SRCAP: variants seen among roughly 807,000 people sequenced by gnomAD.
SRCAP encodes Snf2 related CREBBP activator protein, also known as chromatin remodeling protein SRCAP.
SRCAP carries 46 observed loss-of-function variants against 263.1 expected under a neutral mutation model. That is an observed-to-expected ratio of 0.17 (90% CI 0.14 to 0.22). The LOEUF is 0.22. SRCAP is among the 10% of genes least tolerant of loss of function. SRCAP has a pLI of 1.00. For missense variants in SRCAP, 3,695 were observed against 4,181.9 expected, an observed-to-expected ratio of 0.88 and a Z score of 3.21; for synonymous variants, 1,813 against 1,662.1, an observed-to-expected ratio of 1.09 and a Z score of -2.21.
intron 33 of SRCAP, 22 bp from the exon 34 acceptor site, chr16:30,737,027 C>T: frequency 1.3e-6 from 2 of 1,564,646 alleles, no homozygotes; most frequent in Non-Finnish European, 1.7e-6. Flanking sequence ...CTCCTGACCA[C>T]TTTTGGACCC....
intron 18 of SRCAP, among the ~76,000 whole-genome samples, 189 bp from the exon 19 acceptor site, chr16:30,719,973 G>T (rs373066694): frequency 6.6e-6 from 1 of 152,164 alleles, no homozygotes; most frequent in African/African-American, 2.4e-5. Context: ...CGTTTCTGGC[G>T]TATATTGTTC....
rs750011927 is a variant in SRCAP at position 30,738,086 on chromosome 16, C to T, written c.8046C>T (p.Thr2682=). The T allele has an allele frequency of 5.6e-6, 9 of 1,614,092 alleles. No homozygotes were observed. The South Asian group carries it at 6.6e-5, about 12-fold the overall frequency. ...CGGAAGAGCTGACAGAGGCCAAGAC[C>T]CCAACCTCCAGCCCAGAGAAGCCAC... ...RTSEELTEAK[T]PTSSPEKPQE... is the part of the protein sequence containing the mutation. The change falls in exon 34 of 34, where the codon ACC becomes ACT. Residue 2682 remains threonine (T), a synonymous_variant. Transcript: ENST00000262518.
Position 30,721,484 on chromosome 16 carries a change from C to G in SRCAP, c.3541+8C>G. On this transcript the variant is annotated splice_region_variant and intron_variant, in intron 21 of 33. Coordinates refer to ENST00000262518, the MANE Select transcript of SRCAP (RefSeq NM_006662.3). ...TGCAGGCTCGCCTGCCCTGTAAGTT[C>G]CCAGGGCTCTGTGGTGAGGGACTTG... 6.2e-7 allele frequency: 1 copy of G among 1,606,486 alleles called. No individual in the cohort carries two copies. The highest frequency in any genetic ancestry group is 8.5e-7 in the Non-Finnish European group (1 of 1,179,274).
In SRCAP at chr16:30,720,256, G is replaced by A. The variant is rs200896833; in HGVS notation, c.2912G>A (p.Arg971His). 22 of 1,614,152 alleles carry A rather than the reference G, an allele frequency of 1.4e-5. No homozygotes were observed. In the East Asian group the frequency reaches 2.5e-4, roughly 18 times the overall value. ...DTFLPRHRLS[R>H]RVLLEVATAP... The stretch of plus-strand genomic sequence containing the variant: ...TTTCTGCCCCGGCACCGCCTCTCTC[G>A]CCGGGTACTGTTAGAAGTGGCTACT... The change falls in exon 19 of 34, where the codon CGC becomes CAC. Residue 971 changes from arginine (R) to histidine (H), a missense_variant. Physicochemically the swap from Arg to His is conservative, Grantham distance 29. Around this residue, in one of 12 missense-constraint regions of SRCAP, gnomAD observed 147 missense variants for 212.7 expected, o/e 0.69. Coordinates refer to ENST00000262518, the MANE Select transcript of SRCAP (RefSeq NM_006662.3).
At position 30,721,020 on chromosome 16, in the gene SRCAP, A is replaced by G. The variant is rs759193473; in HGVS notation, c.3253+42A>G. On this transcript the variant is annotated intron_variant, in intron 20 of 33. Coordinates refer to ENST00000262518, the MANE Select transcript of SRCAP (RefSeq NM_006662.3). ...CCAAGGATGATGCGTGGTGCTTCAG[A>G]AAGGTTGTTCAGACTGAGGAGGAAG... 3.2e-6 allele frequency: 5 copies of G among 1,565,428 alleles called. 1 individual carries two copies. The South Asian group carries it at 4.8e-5, about 15-fold the overall frequency.
chr16:30,711,022 G>A lies in SRCAP; in HGVS notation c.1252G>A (p.Ala418Thr). The A allele has an allele frequency of 1.2e-6, 2 of 1,614,110 alleles. No individual in the cohort carries two copies. Among genetic ancestry groups the A allele is most frequent in the South Asian group, 1.1e-5 (1 of 91,078 alleles). ...AGCGGAGGATGAAGAGGATACTATAGCAGCTGAGGAACAGTTGGAAGGGGA... is the reference window on the plus strand; with the variant it reads ...AGCGGAGGATGAAGAGGATACTATAACAGCTGAGGAACAGTTGGAAGGGGA... ...EEAEDEEDTI[A>T]AEEQLEGEVD... The change falls in exon 10 of 34, where the codon GCA (alanine) becomes ACA (threonine). Residue 418 changes from alanine to threonine, a missense_variant. Around this residue, in one of 12 missense-constraint regions of SRCAP, gnomAD observed 288 missense variants for 302.4 expected, o/e 0.95. Coordinates refer to ENST00000262518, the MANE Select transcript of SRCAP (RefSeq NM_006662.3).
chr16:30,704,850 AGG>A (rs1324186953), intron 4 of SRCAP, among the ~76,000 whole-genome samples: 1 of 152,092 alleles, frequency 6.6e-6, no homozygotes, highest in Non-Finnish European at 1.5e-5. Context: ...TCAAAAAAAA[AGG>A]AGAAAATAGA....
At position 30,733,582 on chromosome 16, in the gene SRCAP, T is replaced by G. The variant is rs754113816; in HGVS notation, c.6298-20T>G. 6.2e-7 allele frequency: 1 copy of G among 1,606,702 alleles called. No individual in the cohort carries two copies. The highest frequency in any genetic ancestry group is 1.1e-5 in the South Asian group (1 of 90,530). On this transcript the variant is annotated intron_variant, in intron 28 of 33. Coordinates refer to ENST00000262518, the MANE Select transcript of SRCAP (RefSeq NM_006662.3). This position sits in a 1 kb window ranked among gnomAD's most constrained non-coding sequence, Gnocchi z 5.3. ...GGGGATAAGTCTCCCAGTATCATCT[T>G]TTTTTCCCTTTCCTTCTAGGCCTTG...
Position 30,737,155 on chromosome 16 carries a change from G to A in SRCAP, c.7115G>A (p.Cys2372Tyr), listed in dbSNP as rs780766694. ...CCGGGGGCTGGGGATGAGAGTTCCT[G>A]TGGGACTGGTGGAGGCACCCACCGG... ...EGPGAGDESS[C>Y]GTGGGTHRRS... The change falls in exon 34 of 34, where the codon TGT becomes TAT. Residue 2372 changes from cysteine (C) to tyrosine (Y), a missense_variant. Transcript: ENST00000262518. 6.2e-7 allele frequency: 1 copy of A among 1,614,032 alleles called. No homozygotes were observed. The highest frequency in any genetic ancestry group is 8.5e-7 in the Non-Finnish European group (1 of 1,179,998).
chr16:30,712,513 C>T (rs2052902807), intron 13 of SRCAP, 74 bp downstream of exon 13: 1 of 1,521,754 alleles, frequency 6.6e-7, no homozygotes, highest in African/African-American at 1.4e-5. Context: ...ATGACTCCAG[C>T]TTCATTGACT....
chr16:30,736,048 T>G, intron 31 of SRCAP, 152 bp from the exon 32 acceptor site: 2 of 770,040 alleles, frequency 2.6e-6, no homozygotes, highest in Non-Finnish European at 4.0e-6. Flanking sequence ...CACTGAGTTG[T>G]TGTGGTAACT....
chr16:30,736,207 G>A lies in SRCAP; in HGVS notation c.6737G>A (p.Cys2246Tyr). The change falls in exon 32 of 34, where the codon TGT becomes TAT. Residue 2246 changes from cysteine (C) to tyrosine (Y), a missense_variant. Around this residue, in one of 12 missense-constraint regions of SRCAP, gnomAD observed 53 missense variants for 45.6 expected, o/e 1.16. Coordinates refer to ENST00000262518, the MANE Select transcript of SRCAP (RefSeq NM_006662.3). Reference protein sequence around the residue: ...KQTHILEQALCRAEDEEDIRA... With the variant: ...KQTHILEQALYRAEDEEDIRA... ...TTTTATACACCCTGGTAGGCATTGTGTCGGGCAGAAGATGAAGAGGATATC... is the reference window on the plus strand; with the variant it reads ...TTTTATACACCCTGGTAGGCATTGTATCGGGCAGAAGATGAAGAGGATATC... 1.9e-6 allele frequency: 3 copies of A among 1,614,058 alleles called. No individual in the cohort carries two copies. Among genetic ancestry groups the A allele is most frequent in the Non-Finnish European group, 2.5e-6 (3 of 1,180,038 alleles).
intron 8 of SRCAP, 59 bp downstream of exon 8, chr16:30,710,187 G>A (rs1451168941): frequency 6.4e-7 from 1 of 1,555,608 alleles, no homozygotes; most frequent in South Asian, 1.2e-5. Flanking sequence ...GAGGTTCAGG[G>A]TCTGAGTTCC....
At chr16:30,734,696 C>A in intron 31 of SRCAP, 81 bp downstream of exon 31, 1 of 1,586,318 alleles carries the variant, frequency 6.3e-7, no homozygotes, top group Non-Finnish European at 8.6e-7. Context: ...TTGAGCTTGT[C>A]CAGGGGAAAG....
chr16:30,720,618 A>G (rs2053001908), intron 19 of SRCAP, 95 bp from the exon 20 acceptor site: 4 of 1,377,766 alleles, frequency 2.9e-6, no homozygotes, highest in Non-Finnish European at 3.9e-6. Context: ...TTGCTTTTAT[A>G]ATCTGTCTCT....
intron 2 of SRCAP, 26 bp from the exon 3 acceptor site, chr16:30,700,585 GTCTTT>G: frequency 2.4e-6 from 1 of 413,204 alleles, no homozygotes. Context: ...CTGCATTTCT[GTCTTT>G]TTTTTTTTTT....
At position 30,739,430 on chromosome 16, in the gene SRCAP, A is replaced by G. The variant is rs747620647; in HGVS notation, c.9390A>G (p.Pro3130=). Residue 3130 remains proline, a synonymous_variant, in exon 34 of 34, where the codon CCA becomes CCG. Transcript: ENST00000262518. The part of the protein sequence containing the change: ...TRLRPGSLVP[P]LETEKLPRKR... Reference sequence around the variant, plus strand: ...TGCGTCCAGGGTCTCTAGTCCCCCCACTAGAGACTGAGAAGTTGCCTCGCA... The same window carrying G: ...TGCGTCCAGGGTCTCTAGTCCCCCCGCTAGAGACTGAGAAGTTGCCTCGCA... The G allele has an allele frequency of 5.6e-5, 90 of 1,614,000 alleles. No homozygotes were observed. The highest frequency in any genetic ancestry group is 6.5e-5 in the Non-Finnish European group (77 of 1,180,014).
chr16:30,702,265 T>G (rs2151283480), intron 3 of SRCAP, among the ~76,000 whole-genome samples: 1 of 148,328 alleles, frequency 6.7e-6, no homozygotes, highest in African/African-American at 2.5e-5. Flanking sequence ...AGAGTTTCGC[T>G]TTTGTTGCCC....
Position 30,739,462 on chromosome 16 carries a change from C to T in SRCAP, c.9422C>T (p.Ala3141Val). 1 of 1,614,134 alleles carries T rather than the reference C, an allele frequency of 6.2e-7. No homozygotes were observed. Among genetic ancestry groups the T allele is most frequent in the Non-Finnish European group, 8.5e-7 (1 of 1,180,018 alleles). ...LETEKLPRKR[A>V]GAPVGGSPGL... ...ACTGAGAAGTTGCCTCGCAAACGAG[C>T]AGGGGCCCCAGTTGGTGGGAGTCCT... The change falls in exon 34 of 34, where the codon GCA becomes GTA. Residue 3141 changes from alanine to valine, a missense_variant. Ala to Val is a moderately conservative substitution (Grantham distance 64). Coordinates refer to ENST00000262518, the MANE Select transcript of SRCAP (RefSeq NM_006662.3).
Sources: gnomAD v4.1 joint callset for allele counts (sites outside exome capture counted in the v4.1 genomes callset) on GRCh38, gnomAD v4.1.1 for gene constraint, gnomAD v4.1.1 regional missense constraint, Gnocchi (gnomAD v3.1) non-coding constraint, MANE v1.5 for transcripts, NCBI Gene and HGNC (gene_info 2026-07-23, HGNC 2026-07-21) for gene names.